CNTNAP2: variants seen among roughly 807,000 people sequenced by gnomAD.
The protein encoded by CNTNAP2 is contactin-associated protein-like 2.
CNTNAP2 carries 98 observed loss-of-function variants against 155.2 expected under a neutral mutation model. That is an observed-to-expected ratio of 0.63 (90% CI 0.54 to 0.75). CNTNAP2 has a LOEUF of 0.75. CNTNAP2 is among the 30% of genes least tolerant of loss of function. The pLI, the probability that CNTNAP2 is intolerant of heterozygous loss-of-function variation, is 0.00. For synonymous variants in CNTNAP2, 651 were observed against 631.2 expected (o/e 1.03, Z -0.47); for missense variants, 1,727 against 1,688.1 (o/e 1.02, Z -0.40).
At chr7:147,583,174 G>A (rs1800541749) in intron 12 of CNTNAP2, among the ~76,000 whole-genome samples, 1 of 152,004 alleles carries the variant, frequency 6.6e-6, no homozygotes, top group Admixed American at 6.6e-5. Flanking sequence ...TTTAATTTAT[G>A]AGAAATAATT....
At chr7:147,007,529 A>G (rs1428179596) in intron 3 of CNTNAP2, among the ~76,000 whole-genome samples, 1 of 152,062 alleles carries the variant, frequency 6.6e-6, no homozygotes, top group African/African-American at 2.4e-5. Flanking sequence ...ATATTATTGA[A>G]TTTCATTAAC....
At chr7:147,266,380 A>G (rs1053405451) in intron 8 of CNTNAP2, among the ~76,000 whole-genome samples, 14 of 152,206 alleles carry the variant, frequency 9.2e-5, no homozygotes, top group African/African-American at 3.4e-4. Context: ...TTAAGTTTTT[A>G]ATTTGCAAAA....
At chr7:147,102,426 T>G (rs560347579) in intron 4 of CNTNAP2, among the ~76,000 whole-genome samples, 25 of 152,282 alleles carry the variant, frequency 1.6e-4, no homozygotes, top group African/African-American at 5.5e-4. Context: ...AATATCCATG[T>G]GGATCAGCCT....
intron 1 of CNTNAP2, among the ~76,000 whole-genome samples, chr7:146,229,489 C>T (rs1457491953): frequency 6.6e-6 from 1 of 152,104 alleles, no homozygotes; most frequent in Non-Finnish European, 1.5e-5. Context: ...CAAACATTGC[C>T]TTTTAGAGAG....
At chr7:147,809,822 T>A (rs1012580515) in intron 13 of CNTNAP2, among the ~76,000 whole-genome samples, 1 of 152,222 alleles carries the variant, frequency 6.6e-6, no homozygotes, top group Non-Finnish European at 1.5e-5. Context: ...TCTCAGTTAC[T>A]TGAAACGTAT....
Position 148,374,048 on chromosome 7 carries a change from T to C in CNTNAP2, c.3476-9601T>C, listed in dbSNP as rs1585318754. On this transcript the variant is annotated intron_variant, in intron 21 of 23. Coordinates refer to ENST00000361727, the MANE Select transcript of CNTNAP2 (RefSeq NM_014141.6). Reference sequence around the variant, plus strand: ...CATGGAGCGTCAGTTAAGGGAACCATCCAATACACTTTCCAGAAACAGTTC... The same window carrying C: ...CATGGAGCGTCAGTTAAGGGAACCACCCAATACACTTTCCAGAAACAGTTC... Among the ~76,000 whole-genome samples, 6 of 152,340 alleles carry C rather than the reference T, an allele frequency of 3.9e-5. 1 individual carries two copies. Among genetic ancestry groups the C allele is most frequent in the Admixed American group, 6.5e-5 (1 of 15,300 alleles).
chr7:147,533,004 T>C (rs1799470045), intron 11 of CNTNAP2, among the ~76,000 whole-genome samples: 1 of 152,162 alleles, frequency 6.6e-6, no homozygotes, highest in Non-Finnish European at 1.5e-5. Context: ...TAGTTACTCA[T>C]ATACTGCCCC....
chr7:148,042,782 C>T (rs2707557), intron 15 of CNTNAP2, among the ~76,000 whole-genome samples: 3,495 of 152,244 alleles, frequency 0.023, 128 homozygotes, highest in African/African-American at 0.081. Flanking sequence ...TAATGCATAT[C>T]CATTTTTCTC....
chr7:148,171,542 T>A (rs1391819466), intron 17 of CNTNAP2, among the ~76,000 whole-genome samples: 6 of 152,268 alleles, frequency 3.9e-5, no homozygotes, highest in Non-Finnish European at 8.8e-5. Flanking sequence ...CTCATGAACC[T>A]CAGTCCAACT....
chr7:146,395,127 T>G (rs1361936337), intron 1 of CNTNAP2, among the ~76,000 whole-genome samples: 1 of 152,228 alleles, frequency 6.6e-6, no homozygotes, highest in African/African-American at 2.4e-5. Flanking sequence ...TACCACATTT[T>G]CTTTATCGCA....
rs1048130143 is a variant in CNTNAP2, at chr7:148,181,746, T to C, written c.3010+9268T>C. Among the ~76,000 whole-genome samples the C allele has an allele frequency of 2.0e-4, 5 of 25,598 alleles. No homozygotes were observed. In the South Asian group the frequency reaches 9.7e-3, roughly 50 times the overall value. The allele number at this position is 25,598 out of a possible 152,430, so 16.8% of individuals were successfully genotyped here. Reference sequence around the variant, plus strand: ...TTTTGTTTCAAGTGTGTGCCCTTTTTTTTTTTTTTTTTTTTTTTTTTTTTT... The same window carrying C: ...TTTTGTTTCAAGTGTGTGCCCTTTTCTTTTTTTTTTTTTTTTTTTTTTTTT... On this transcript the variant is annotated intron_variant, in intron 18 of 23. Coordinates refer to ENST00000361727, the MANE Select transcript of CNTNAP2 (RefSeq NM_014141.6).
chr7:147,054,076 C>T (rs1184366783), intron 4 of CNTNAP2, among the ~76,000 whole-genome samples: 4 of 152,098 alleles, frequency 2.6e-5, no homozygotes, highest in East Asian at 3.9e-4. Context: ...ACATTTAATA[C>T]CTCTCTCCTC....
chr7:147,087,471 T>C (rs1457172743), intron 4 of CNTNAP2, among the ~76,000 whole-genome samples: 1 of 152,212 alleles, frequency 6.6e-6, no homozygotes, highest in Non-Finnish European at 1.5e-5. Context: ...ATGCAACATA[T>C]TTAAAAGTCA....
intron 3 of CNTNAP2, among the ~76,000 whole-genome samples, chr7:146,914,549 G>C (rs1209977380): frequency 6.6e-6 from 1 of 152,032 alleles, no homozygotes; most frequent in East Asian, 1.9e-4. Context: ...CTGGTCATTA[G>C]TGATGTTGAG....
chr7:147,822,036 C>T (rs1458827149), intron 13 of CNTNAP2, among the ~76,000 whole-genome samples: 4 of 152,048 alleles, frequency 2.6e-5, no homozygotes, highest in Non-Finnish European at 5.9e-5. Context: ...GAAGAAATGT[C>T]CCCCAAATGT....
intron 21 of CNTNAP2, among the ~76,000 whole-genome samples, chr7:148,372,523 C>T (rs1798905676): frequency 6.6e-6 from 1 of 152,092 alleles, no homozygotes; most frequent in African/African-American, 2.4e-5. Context: ...GCCTGATCAA[C>T]ATGGTGAAAC....
At chr7:147,955,732 T>C (rs1801008388) in intron 14 of CNTNAP2, among the ~76,000 whole-genome samples, 1 of 152,162 alleles carries the variant, frequency 6.6e-6, no homozygotes, top group South Asian at 2.1e-4. Context: ...TGTCTCCTGT[T>C]GTAGGTCAAG....
intron 21 of CNTNAP2, among the ~76,000 whole-genome samples, chr7:148,324,892 A>G (rs2116544091): frequency 6.6e-6 from 1 of 152,252 alleles, no homozygotes; most frequent in East Asian, 1.9e-4. Context: ...GTATTGAATG[A>G]ATGAACTGAT....
At chr7:146,963,758 T>A (rs1314476555) in intron 3 of CNTNAP2, among the ~76,000 whole-genome samples, 1 of 152,206 alleles carries the variant, frequency 6.6e-6, no homozygotes, top group East Asian at 1.9e-4. Context: ...TTTCATATTG[T>A]CCCTTGTTAT....
Sources: gnomAD v4.1 joint callset for allele counts (sites outside exome capture counted in the v4.1 genomes callset) on GRCh38, gnomAD v4.1.1 for gene constraint, MANE v1.5 for transcripts, NCBI Gene and HGNC (gene_info 2026-07-23, HGNC 2026-07-21) for gene names.